CNTNAP5: variants seen among roughly 807,000 people sequenced by gnomAD.
CNTNAP5 encodes contactin-associated protein-like 5.
Under a neutral mutation model 150.2 loss-of-function variants are expected in CNTNAP5, and 72 were observed. That is an observed-to-expected ratio of 0.48 (90% CI 0.40 to 0.58). CNTNAP5 has a LOEUF of 0.58. Ranked by LOEUF, CNTNAP5 falls within the 20% of genes least tolerant of loss-of-function variation. The probability of loss-of-function intolerance (pLI) is 0.00; values close to 1 mark genes in which losing one functional copy is unlikely to be tolerated. For missense variants in CNTNAP5, 1,636 were observed against 1,626.2 expected, an observed-to-expected ratio of 1.01 and a Z score of -0.10; for synonymous variants, 672 against 619.8, an observed-to-expected ratio of 1.08 and a Z score of -1.25.
At chr2:124,086,241 G>C (rs1682688866) in intron 1 of CNTNAP5, among the ~76,000 whole-genome samples, 1 of 140,654 alleles carries the variant, frequency 7.1e-6, no homozygotes, top group Admixed American at 7.6e-5. Context: ...CTGTCGCCCA[G>C]GCTGGAGTGC....
At chr2:124,127,642 C>T (rs1359703341) in intron 1 of CNTNAP5, among the ~76,000 whole-genome samples, 1 of 152,120 alleles carries the variant, frequency 6.6e-6, no homozygotes, top group African/African-American at 2.4e-5. Flanking sequence ...AGGCATCACG[C>T]TACCTGACTT....
At position 124,903,113 on chromosome 2, in the gene CNTNAP5, GC is replaced by G. The variant is rs748562914; in HGVS notation, c.3655+14del. The G allele has an allele frequency of 6.0e-6, 9 of 1,492,844 alleles. No homozygotes were observed. In the African/African-American group the frequency reaches 1.2e-4, roughly 21 times the overall value. 92.5% of individuals were successfully genotyped at this position (1,492,844 alleles called of 1,614,324 possible). On this transcript the variant is annotated intron_variant, in intron 22 of 23. Coordinates refer to ENST00000682447, the MANE Select transcript of CNTNAP5 (RefSeq NM_001367498.1). ...CATTCTTCATCAGGTACACTCAAGA[GC>G]ATGCACAAGGGAGCTTCTGTCACTA...
At chr2:124,658,094 T>C (rs1678497576) in intron 13 of CNTNAP5, among the ~76,000 whole-genome samples, 1 of 152,166 alleles carries the variant, frequency 6.6e-6, no homozygotes, top group African/African-American at 2.4e-5. Context: ...AGTTGTTGAA[T>C]GAATAAAGGG....
chr2:124,145,872 G>A (rs960718939), intron 1 of CNTNAP5, among the ~76,000 whole-genome samples: 1 of 144,344 alleles, frequency 6.9e-6, no homozygotes, highest in Non-Finnish European at 1.5e-5. Context: ...GGGATTTGGA[G>A]CTTTGAAGTT....
intron 1 of CNTNAP5, among the ~76,000 whole-genome samples, chr2:124,111,515 A>C (rs1317716772): frequency 6.6e-6 from 1 of 152,164 alleles, no homozygotes; most frequent in Non-Finnish European, 1.5e-5. Context: ...AATTCATGGA[A>C]TATAAAATTA....
intron 17 of CNTNAP5, among the ~76,000 whole-genome samples, chr2:124,775,300 C>A (rs1163062254): frequency 6.6e-6 from 1 of 152,106 alleles, no homozygotes; most frequent in Admixed American, 6.6e-5. Context: ...TAGTTATAGT[C>A]ACCAAAATGA....
At chr2:124,747,683 G>A (rs562949829) in intron 14 of CNTNAP5, among the ~76,000 whole-genome samples, 56 of 130,200 alleles carry the variant, frequency 4.3e-4, no homozygotes, top group African/African-American at 1.1e-3. Context: ...GCAGTGTCGC[G>A]ATCTTGGCTC....
intron 17 of CNTNAP5, among the ~76,000 whole-genome samples, chr2:124,782,044 T>C (rs1483610146): frequency 1.3e-5 from 2 of 152,338 alleles, no homozygotes; most frequent in East Asian, 3.9e-4. Context: ...TGTGTGCATA[T>C]GTAGATGAGG....
chr2:124,538,461 C>T (rs1695292811), intron 10 of CNTNAP5, among the ~76,000 whole-genome samples: 1 of 150,574 alleles, frequency 6.6e-6, no homozygotes, highest in South Asian at 2.1e-4. Flanking sequence ...CTGGGTGACA[C>T]AGTGTGTGAG....
chr2:124,594,511 C>A (rs570327091), intron 11 of CNTNAP5, among the ~76,000 whole-genome samples: 65 of 151,054 alleles, frequency 4.3e-4, no homozygotes, highest in African/African-American at 1.5e-3. Flanking sequence ...TGTTTTGGTA[C>A]CAGTACCATG....
At chr2:124,296,622 T>C (rs1239381924) in intron 3 of CNTNAP5, among the ~76,000 whole-genome samples, 1 of 152,222 alleles carries the variant, frequency 6.6e-6, no homozygotes, top group African/African-American at 2.4e-5. Context: ...CAAAGTGCCA[T>C]CCAATTACCT....
chr2:124,372,958 AC>A (rs1690564827), intron 3 of CNTNAP5, among the ~76,000 whole-genome samples: 1 of 152,146 alleles, frequency 6.6e-6, no homozygotes, highest in African/African-American at 2.4e-5. Flanking sequence ...TGGTTGAAGC[AC>A]ACTTGAGGAA....
At chr2:124,128,781 A>G (rs888312339) in intron 1 of CNTNAP5, among the ~76,000 whole-genome samples, 9 of 152,178 alleles carry the variant, frequency 5.9e-5, no homozygotes, top group Non-Finnish European at 1.0e-4. Context: ...TGAAGCTGGA[A>G]ACCATCATTC....
intron 3 of CNTNAP5, among the ~76,000 whole-genome samples, chr2:124,285,072 A>G (rs1393084247): frequency 4.6e-5 from 7 of 152,108 alleles, no homozygotes. Context: ...GAAACAGGTT[A>G]GTTCTTGGAG....
intron 6 of CNTNAP5, among the ~76,000 whole-genome samples, chr2:124,467,131 A>G (rs1693395961): frequency 6.6e-6 from 1 of 152,206 alleles, no homozygotes; most frequent in Admixed American, 6.5e-5. Flanking sequence ...AGCACATAAA[A>G]TATCAATAAA....
chr2:124,315,308 G>C (rs13429933), intron 3 of CNTNAP5, among the ~76,000 whole-genome samples: 1,896 of 152,190 alleles, frequency 0.012, 39 homozygotes, highest in African/African-American at 0.041. Flanking sequence ...ATACTACTTA[G>C]CCTATGCTAT....
chr2:124,467,436 C>T (rs1004175540), intron 6 of CNTNAP5, among the ~76,000 whole-genome samples: 12 of 152,116 alleles, frequency 7.9e-5, no homozygotes, highest in Admixed American at 4.6e-4. Context: ...TACAATAACT[C>T]GGCCAGCCCA....
chr2:124,587,210 T>C (rs1472388914), intron 11 of CNTNAP5, among the ~76,000 whole-genome samples: 1 of 152,216 alleles, frequency 6.6e-6, no homozygotes, highest in Non-Finnish European at 1.5e-5. Context: ...TGTGCTATAA[T>C]CATCTGTTCC....
At chr2:124,707,166 A>AAGAAGG (rs1370227817) in intron 13 of CNTNAP5, among the ~76,000 whole-genome samples, 1 of 145,336 alleles carries the variant, frequency 6.9e-6, no homozygotes, top group African/African-American at 2.5e-5. Context: ...GAAGAAGAAG[A>AAGAAGG]AGAAGAAGAA....
Sources: gnomAD v4.1 joint callset for allele counts (sites outside exome capture counted in the v4.1 genomes callset) on GRCh38, gnomAD v4.1.1 for gene constraint, MANE v1.5 for transcripts, NCBI Gene and HGNC (gene_info 2026-07-23, HGNC 2026-07-21) for gene names.